Variants in HDAC4 observed in about 807,000 individuals in gnomAD.
HDAC4 encodes histone deacetylase 4, also known as histone deacetylase A.
A neutral mutation model predicts 135.1 loss-of-function variants in HDAC4; 16 were observed. The observed-to-expected ratio is 0.12, with a 90% CI of 0.08 to 0.18. The LOEUF is 0.18. Ranked by LOEUF, HDAC4 falls within the 10% of genes least tolerant of loss-of-function variation. The probability of loss-of-function intolerance (pLI) is 1.00; values close to 1 mark genes in which losing one functional copy is unlikely to be tolerated. For synonymous variants in HDAC4, 685 were observed against 653.4 expected (o/e 1.05, Z -0.74); for missense variants, 1,143 against 1,511.8 (o/e 0.76, Z 4.05).
chr2:239,140,881 G>A, intron 8 of HDAC4: 1 of 446,728 alleles, frequency 2.2e-6, no homozygotes, highest in Non-Finnish European at 4.7e-6. Context: ...GACTCACGTG[G>A]TATCCACGCC....
chr2:239,371,818 C>T (rs976932753), intron 1 of HDAC4, among the ~76,000 whole-genome samples: 1 of 152,196 alleles, frequency 6.6e-6, no homozygotes, highest in Non-Finnish European at 1.5e-5. Context: ...TCTGGGCCTG[C>T]GCATCCGGCC....
At chr2:239,230,439 C>T (rs1013406163) in intron 3 of HDAC4, among the ~76,000 whole-genome samples, 4 of 149,728 alleles carry the variant, frequency 2.7e-5, no homozygotes, top group African/African-American at 9.9e-5. Flanking sequence ...CCTGGCCAAT[C>T]CTTGCCCGTG....
chr2:239,072,001 CA>C (rs1244026668), intron 22 of HDAC4, among the ~76,000 whole-genome samples: 1 of 152,194 alleles, frequency 6.6e-6, no homozygotes, highest in Non-Finnish European at 1.5e-5. Context: ...CACCATTGCA[CA>C]TTCCTTCTTA....
intron 1 of HDAC4, among the ~76,000 whole-genome samples, chr2:239,384,917 G>A (rs1315643252): frequency 6.6e-6 from 1 of 152,142 alleles, no homozygotes; most frequent in East Asian, 1.9e-4. Context: ...GGGGCTCAGG[G>A]CTCCTCTCTG....
intron 2 of HDAC4, among the ~76,000 whole-genome samples, chr2:239,319,628 A>C (rs2053240755): frequency 6.6e-6 from 1 of 152,224 alleles, no homozygotes; most frequent in Non-Finnish European, 1.5e-5. Context: ...GTCAGAAAAC[A>C]CACAAAAGAA....
At chr2:239,168,242 G>C (rs1280415603) in intron 5 of HDAC4, among the ~76,000 whole-genome samples, 1 of 152,196 alleles carries the variant, frequency 6.6e-6, no homozygotes, top group Non-Finnish European at 1.5e-5. Flanking sequence ...GCAGGGCTGC[G>C]CGTGTGGACC....
At chr2:239,103,472 A>G (rs188558362) in intron 15 of HDAC4, among the ~76,000 whole-genome samples, 15 of 152,370 alleles carry the variant, frequency 9.8e-5, no homozygotes, top group African/African-American at 3.4e-4. Context: ...TTCACAGGAA[A>G]ATTAGTGTTC....
At chr2:239,083,433 T>C (rs1037396090) in intron 20 of HDAC4, among the ~76,000 whole-genome samples, 2 of 152,236 alleles carry the variant, frequency 1.3e-5, no homozygotes, top group Non-Finnish European at 2.9e-5. Flanking sequence ...CTGTGCCATA[T>C]TGTTTCTTTA....
At chr2:239,379,881 C>G (rs532730192) in intron 1 of HDAC4, among the ~76,000 whole-genome samples, 1 of 152,204 alleles carries the variant, frequency 6.6e-6, no homozygotes, top group Non-Finnish European at 1.5e-5. Context: ...AGCACCTGCA[C>G]GCAGACACTG....
chr2:239,057,633 C>T (rs181210614), intron 24 of HDAC4, among the ~76,000 whole-genome samples: 3 of 152,334 alleles, frequency 2.0e-5, no homozygotes, highest in African/African-American at 7.2e-5. Context: ...AGAGCAAATC[C>T]TTGTCAACCC....
chr2:239,077,746 G>A (rs550138236), intron 22 of HDAC4, among the ~76,000 whole-genome samples: 94 of 152,340 alleles, frequency 6.2e-4, no homozygotes, highest in African/African-American at 2.2e-3. Flanking sequence ...CAGCAATGGT[G>A]AAAACAGCAG....
intron 1 of HDAC4, among the ~76,000 whole-genome samples, chr2:239,389,667 A>G (rs996156930): frequency 6.6e-6 from 1 of 152,140 alleles, no homozygotes; most frequent in Non-Finnish European, 1.5e-5. Flanking sequence ...AGCCCACACC[A>G]AGACTATTCT....
chr2:239,108,639 T>C (rs1330112467), intron 14 of HDAC4, among the ~76,000 whole-genome samples: 1 of 152,164 alleles, frequency 6.6e-6, no homozygotes, highest in Non-Finnish European at 1.5e-5. Context: ...CAATAGTAAC[T>C]CCAGTTCTGC....
At chr2:239,090,968 G>A (rs1394843952) in intron 17 of HDAC4, among the ~76,000 whole-genome samples, 1 of 152,244 alleles carries the variant, frequency 6.6e-6, no homozygotes, top group Admixed American at 6.5e-5. Context: ...GTAGCTAAGC[G>A]GGACTGGCCG....
chr2:239,142,573 C>T (rs3828209), intron 8 of HDAC4, among the ~76,000 whole-genome samples: 2 of 152,376 alleles, frequency 1.3e-5, no homozygotes, highest in East Asian at 3.9e-4. Context: ...TGCCTCGGCA[C>T]GGGCTCCCTT....
In HDAC4 at chr2:239,163,837, G is replaced by C; in HGVS notation, c.577C>G (p.His193Asp). 1 of 1,614,180 alleles carries C rather than the reference G, an allele frequency of 6.2e-7. No homozygotes were observed. The highest frequency in any genetic ancestry group is 8.5e-7 in the Non-Finnish European group (1 of 1,180,028). ...TAGCGAGGGTCGCTGGAAATGCAGT[G>C]GTTCAGATTCCGGTGGGCCAGCGCC... ...KKALAHRNLN[H>D]CISSDPRYWY... Residue 193 changes from histidine (H) to aspartate (D), a missense_variant, in exon 6 of 27, where the codon CAC becomes GAC. Physicochemically the swap from His to Asp is moderately conservative, Grantham distance 81. Coordinates refer to ENST00000543185, the MANE Select transcript of HDAC4 (RefSeq NM_001378414.1).
intron 1 of HDAC4, among the ~76,000 whole-genome samples, chr2:239,383,920 G>A (rs985394182): frequency 6.6e-6 from 1 of 152,238 alleles, no homozygotes; most frequent in Non-Finnish European, 1.5e-5. Context: ...AAGGACAGAC[G>A]TGAGAGCCAC....
chr2:239,133,285 G>A (rs1253141607), intron 11 of HDAC4, among the ~76,000 whole-genome samples: 6 of 152,148 alleles, frequency 3.9e-5, no homozygotes, highest in Non-Finnish European at 4.4e-5. Flanking sequence ...ATCCTGCAGC[G>A]CAGCCTCCTA....
chr2:239,204,492 A>G (rs2153081469), intron 3 of HDAC4, among the ~76,000 whole-genome samples: 1 of 152,296 alleles, frequency 6.6e-6, no homozygotes, highest in South Asian at 2.1e-4. Context: ...GGGCCCAGGG[A>G]AATGGGCAGA....
Sources: allele counts gnomAD v4.1 joint callset (sites outside exome capture counted in the v4.1 genomes callset), GRCh38; gene constraint gnomAD v4.1.1; transcripts MANE v1.5; gene names NCBI Gene and HGNC (gene_info 2026-07-23, HGNC 2026-07-21).